Variants in AUTS2 observed in about 807,000 individuals in gnomAD.
AUTS2 encodes activator of transcription and developmental regulator AUTS2.
A neutral mutation model predicts 112.4 loss-of-function variants in AUTS2; 17 were observed. The ratio of observed to expected loss-of-function variants is 0.15; its 90% confidence interval spans 0.10 to 0.23. The LOEUF (loss-of-function observed/expected upper bound fraction) is 0.23, where lower values mean the gene tolerates loss of function less well. AUTS2 is among the 10% of genes least tolerant of loss of function. The pLI, the probability that AUTS2 is intolerant of heterozygous loss-of-function variation, is 1.00. For missense variants in AUTS2, 1,510 were observed against 1,701.6 expected, an observed-to-expected ratio of 0.89 and a Z score of 1.98; for synonymous variants, 751 against 702.7, an observed-to-expected ratio of 1.07 and a Z score of -1.09.
intron 2 of AUTS2, among the ~76,000 whole-genome samples, chr7:70,074,780 T>C (rs1802949257): frequency 6.6e-6 from 1 of 152,212 alleles, no homozygotes; most frequent in Non-Finnish European, 1.5e-5. Context: ...CCTTTTGCTG[T>C]GGAGGTACCT....
At chr7:69,744,670 CAAA>C (rs61451653) in intron 1 of AUTS2, among the ~76,000 whole-genome samples, 4 of 104,052 alleles carry the variant, frequency 3.8e-5, no homozygotes, top group African/African-American at 7.1e-5. Context: ...CCCCACACTA[CAAA>C]AAAAAAAAAA....
chr7:70,318,170 C>T (rs1289490116), intron 4 of AUTS2, among the ~76,000 whole-genome samples: 1 of 152,000 alleles, frequency 6.6e-6, no homozygotes, highest in Non-Finnish European at 1.5e-5. Context: ...TGAACTCATT[C>T]AGGGTATAAT....
chr7:70,726,411 A>G (rs1187258524), intron 6 of AUTS2, among the ~76,000 whole-genome samples: 1 of 152,184 alleles, frequency 6.6e-6, no homozygotes, highest in Non-Finnish European at 1.5e-5. Context: ...GCTGTATGGA[A>G]ATATACTAAA....
chr7:70,420,271 G>A (rs1226101272), intron 4 of AUTS2, among the ~76,000 whole-genome samples: 6 of 152,308 alleles, frequency 3.9e-5, no homozygotes, highest in African/African-American at 1.4e-4. Context: ...TGCTCTGAAA[G>A]TCCCATTGGT....
intron 2 of AUTS2, among the ~76,000 whole-genome samples, chr7:70,081,956 G>GTA (rs1803340351): frequency 6.8e-6 from 1 of 147,332 alleles, no homozygotes; most frequent in African/African-American, 2.6e-5. Flanking sequence ...GTGTGTGTGT[G>GTA]TGTGTGTGTG....
chr7:70,345,484 C>T (rs1052364603), intron 4 of AUTS2, among the ~76,000 whole-genome samples: 3 of 152,144 alleles, frequency 2.0e-5, no homozygotes, highest in Non-Finnish European at 4.4e-5. Context: ...AACTTCCTGC[C>T]TAGCTCCTGA....
chr7:69,631,122 T>C (rs938161551), intron 1 of AUTS2, among the ~76,000 whole-genome samples: 2 of 152,172 alleles, frequency 1.3e-5, no homozygotes, highest in Non-Finnish European at 1.5e-5. Flanking sequence ...GGTTGAGTGT[T>C]AAAGGATTCA....
chr7:70,561,449 A>G (rs1016517991), intron 5 of AUTS2, among the ~76,000 whole-genome samples: 2 of 152,150 alleles, frequency 1.3e-5, no homozygotes, highest in African/African-American at 4.8e-5. Flanking sequence ...GCATAGCAAG[A>G]TCCTGTCTCT....
At chr7:69,888,380 C>T (rs1213041180) in intron 1 of AUTS2, among the ~76,000 whole-genome samples, 2 of 150,584 alleles carry the variant, frequency 1.3e-5, no homozygotes, top group Admixed American at 6.6e-5. Context: ...GGGGGAGGTA[C>T]CAGTCTCTTT....
At chr7:70,018,897 A>C (rs1316126060) in intron 2 of AUTS2, among the ~76,000 whole-genome samples, 2 of 152,222 alleles carry the variant, frequency 1.3e-5, no homozygotes, top group South Asian at 2.1e-4. Flanking sequence ...TCAACTCAGC[A>C]GTTCCATTAC....
intron 2 of AUTS2, among the ~76,000 whole-genome samples, chr7:69,979,132 G>A (rs769572519): frequency 1.3e-5 from 2 of 152,152 alleles, no homozygotes; most frequent in Non-Finnish European, 2.9e-5. Context: ...TTAGAATGAA[G>A]TAATAAATTT....
intron 1 of AUTS2, among the ~76,000 whole-genome samples, chr7:69,895,548 C>CA (rs1037104585): frequency 5.5e-5 from 8 of 146,002 alleles, no homozygotes; most frequent in Non-Finnish European, 1.2e-4. Flanking sequence ...CTTCTTCCCC[C>CA]CCCCCGAGTG....
At chr7:70,352,679 A>C (rs532323074) in intron 4 of AUTS2, among the ~76,000 whole-genome samples, 5 of 152,272 alleles carry the variant, frequency 3.3e-5, no homozygotes, top group African/African-American at 1.2e-4. Context: ...CTCAGAACTT[A>C]AGGTACAGCA....
chr7:70,639,616 CAAAAA>C (rs5884790), intron 5 of AUTS2, among the ~76,000 whole-genome samples: 1 of 75,078 alleles, frequency 1.3e-5, no homozygotes. Context: ...GACCCTGTCT[CAAAAA>C]AAAAAAAAAA....
intron 4 of AUTS2, among the ~76,000 whole-genome samples, chr7:70,337,778 G>T (rs1399852242): frequency 1.3e-5 from 2 of 152,194 alleles, no homozygotes; most frequent in Non-Finnish European, 2.9e-5. Context: ...GTTAACATGT[G>T]TGTTCACAGT....
chr7:70,529,738 G>A (rs1800000411), intron 5 of AUTS2, among the ~76,000 whole-genome samples: 1 of 152,162 alleles, frequency 6.6e-6, no homozygotes, highest in African/African-American at 2.4e-5. Context: ...AGCAGAATTT[G>A]GAGAGGAACA....
chr7:70,055,348 C>T (rs1038019361), intron 2 of AUTS2, among the ~76,000 whole-genome samples: 12 of 152,194 alleles, frequency 7.9e-5, no homozygotes, highest in South Asian at 2.1e-4. Flanking sequence ...GCAGGAGAAG[C>T]GCTTGAACCC....
chr7:70,143,084 C>G (rs1458011398), intron 4 of AUTS2, among the ~76,000 whole-genome samples: 1 of 152,150 alleles, frequency 6.6e-6, no homozygotes, highest in Non-Finnish European at 1.5e-5. Context: ...GCCTCCCAAT[C>G]CATTGCATAA....
At chr7:70,131,216 C>T (rs766934003) in intron 3 of AUTS2, among the ~76,000 whole-genome samples, 3 of 151,854 alleles carry the variant, frequency 2.0e-5, no homozygotes, top group Non-Finnish European at 4.4e-5. Context: ...CTTGGGAAGC[C>T]GACACAAGAG....
Sources: gnomAD v4.1 joint callset for allele counts (sites outside exome capture counted in the v4.1 genomes callset) on GRCh38, gnomAD v4.1.1 for gene constraint, MANE v1.5 for transcripts, NCBI Gene and HGNC (gene_info 2026-07-23, HGNC 2026-07-21) for gene names.